Variants in GLOD4 observed in about 807,000 individuals in gnomAD.
GLOD4 encodes glyoxalase domain containing 4, also known as glyoxalase domain-containing protein 4.
GLOD4 carries 44 observed loss-of-function variants against 39.1 expected under a neutral mutation model. The ratio of observed to expected loss-of-function variants is 1.13; its 90% CI spans 0.88 to 1.45. GLOD4 has a LOEUF of 1.45. Ranked by LOEUF, GLOD4 falls within the 40% of genes most tolerant of loss-of-function variation. The pLI is 0.00. For synonymous variants in GLOD4, 145 were observed against 135.0 expected (o/e 1.07, Z -0.52); for missense variants, 405 against 366.4 (o/e 1.11, Z -0.86).
At chr17:769,156 C>A (rs745812584) in intron 8 of GLOD4, among the ~76,000 whole-genome samples, 86 of 152,138 alleles carry the variant, frequency 5.7e-4, no homozygotes, top group Non-Finnish European at 2.9e-4. Context: ...ATGGAGGCAT[C>A]TCCCTGGGGA....
chr17:774,419 T>A (rs1281905256), intron 4 of GLOD4, among the ~76,000 whole-genome samples: 2 of 152,222 alleles, frequency 1.3e-5, no homozygotes, highest in Non-Finnish European at 2.9e-5. Flanking sequence ...TTCGCCAGCA[T>A]TTTCCCCGTT....
intron 8 of GLOD4, chr17:765,461 A>G (rs1050622224): frequency 2.7e-5 from 4 of 150,592 alleles, no homozygotes; most frequent in South Asian, 2.2e-4. Flanking sequence ...AAGTAGGGCT[A>G]TGGGTATAAA....
At chr17:778,413 C>G in intron 2 of GLOD4, 1 of 527,648 alleles carries the variant, frequency 1.9e-6, no homozygotes, top group Non-Finnish European at 3.3e-6. Context: ...GCTGGAGAAT[C>G]CCTTTGTGTC....
At chr17:784,469 G>A (rs1263822240), upstream of GLOD4, among the ~76,000 whole-genome samples, 1 of 151,854 alleles carries the variant, frequency 6.6e-6, no homozygotes, top group East Asian at 1.9e-4. Flanking sequence ...GGGCAGGTGT[G>A]CTCACAGTGG....
chr17:773,382 T>C (rs1908325747), intron 4 of GLOD4, among the ~76,000 whole-genome samples: 1 of 152,182 alleles, frequency 6.6e-6, no homozygotes, highest in South Asian at 2.1e-4. Context: ...TACAATGTAA[T>C]AATACGATGG....
rs577219986 is a variant in GLOD4 at position 760,182 on chromosome 17, A to C, written c.888T>G (p.Ala296=). 237 of 1,591,422 alleles carry C rather than the reference A, an allele frequency of 1.5e-4. 3 individuals carry two copies. In the South Asian group the frequency reaches 2.5e-3, roughly 17 times the overall value. Reference sequence around the variant, plus strand: ...TGCATCATGTCTTCCGTTAACCTGAAGCTTTGGGTTTATTGTGTTTGGCAA... The same window carrying C: ...TGCATCATGTCTTCCGTTAACCTGACGCTTTGGGTTTATTGTGTTTGGCAA... ...EWFAKHNKPK[A]SG Residue 296 remains alanine (A), a synonymous_variant, in exon 9 of 9, where the codon GCT becomes GCG. Coordinates refer to ENST00000301329, the MANE Select transcript of GLOD4 (RefSeq NM_016080.4).
intron 8 of GLOD4, among the ~76,000 whole-genome samples, chr17:767,320 T>G (rs1470376730): frequency 1.3e-5 from 2 of 152,372 alleles, no homozygotes; most frequent in South Asian, 2.1e-4. Context: ...CTACTTTGAA[T>G]GCTTCTGAAT....
At chr17:782,370 T>C (rs1367568221), upstream of GLOD4, 2 of 1,613,566 alleles carry the variant, frequency 1.2e-6, no homozygotes, top group East Asian at 2.2e-5. Context: ...AGCCCGGGTC[T>C]CAGGGAACAT....
intron 8 of GLOD4, among the ~76,000 whole-genome samples, chr17:767,937 G>A: frequency 6.8e-6 from 1 of 146,888 alleles, no homozygotes; most frequent in East Asian, 2.1e-4. Context: ...AATCTGGAGA[G>A]GACGTAAGAG....
At chr17:775,440 T>C (rs1025034992) in intron 4 of GLOD4, among the ~76,000 whole-genome samples, 4 of 152,160 alleles carry the variant, frequency 2.6e-5, no homozygotes, top group African/African-American at 7.2e-5. Flanking sequence ...TGGTGAATCA[T>C]CTAACCTTGA....
intron 1 of GLOD4, 117 bp from the exon 2 acceptor site, chr17:778,861 G>T: frequency 9.4e-6 from 6 of 637,582 alleles, no homozygotes; most frequent in South Asian, 1.9e-5. Context: ...ACTTGTAAAA[G>T]AACAAAAGCA....
chr17:771,122 C>A (rs1907879346), intron 5 of GLOD4: 2 of 407,684 alleles, frequency 4.9e-6, no homozygotes, highest in South Asian at 9.0e-5. Context: ...AGATATATCC[C>A]CAAATATAAA....
upstream of GLOD4, among the ~76,000 whole-genome samples, chr17:783,724 G>A (rs577263496): frequency 1.3e-5 from 2 of 152,170 alleles, no homozygotes; most frequent in African/African-American, 2.4e-5. Flanking sequence ...AATTCAAAAT[G>A]TTACAATTAG....
At chr17:769,016 AG>A (rs966499538) in intron 8 of GLOD4, among the ~76,000 whole-genome samples, 4 of 152,206 alleles carry the variant, frequency 2.6e-5, no homozygotes, top group Non-Finnish European at 5.9e-5. Context: ...GGTCAGTAAA[AG>A]GTTTTTAAAG....
intron 8 of GLOD4, chr17:763,702 G>A (rs1377094061): frequency 6.6e-6 from 1 of 152,156 alleles, no homozygotes; most frequent in Admixed American, 6.5e-5. Flanking sequence ...ACACTCCCAA[G>A]TAGCCTTTAT....
intron 8 of GLOD4, among the ~76,000 whole-genome samples, chr17:761,582 G>A (rs1219086190): frequency 6.6e-6 from 1 of 152,192 alleles, no homozygotes; most frequent in Non-Finnish European, 1.5e-5. Context: ...TCGGCTCACT[G>A]CAACCTCTGC....
At chr17:783,057 T>C (rs201434490), upstream of GLOD4, 11 of 103,280 alleles carry the variant, frequency 1.1e-4, no homozygotes, top group Non-Finnish European at 1.3e-4. Flanking sequence ...TAGTTACCTG[T>C]TTTTTTTTTT....
chr17:765,720 AG>A (rs1039850647), intron 8 of GLOD4, among the ~76,000 whole-genome samples: 19 of 149,286 alleles, frequency 1.3e-4, no homozygotes, highest in Non-Finnish European at 2.4e-4. Flanking sequence ...CTGGGGTTAC[AG>A]GTGTGAGCCA....
At chr17:778,394 T>C in intron 2 of GLOD4, 1 of 495,340 alleles carries the variant, frequency 2.0e-6, no homozygotes, top group Middle Eastern at 5.1e-4. Context: ...AGCCGGCTGG[T>C]GTTAGAGAGC....
Sources: allele counts gnomAD v4.1 joint callset (sites outside exome capture counted in the v4.1 genomes callset), GRCh38; gene constraint gnomAD v4.1.1; transcripts MANE v1.5; gene names NCBI Gene and HGNC (gene_info 2026-07-23, HGNC 2026-07-21).